Variants in FAM161A observed in about 807,000 individuals in gnomAD.
FAM161A encodes FAM161 centrosomal protein A, also known as protein FAM161A.
FAM161A carries 57 observed loss-of-function variants against 70.9 expected under a neutral mutation model. The ratio of observed to expected loss-of-function variants is 0.80; its 90% CI spans 0.65 to 1.00. FAM161A has a LOEUF of 1.00. FAM161A is among the 50% of genes least tolerant of loss of function. The pLI is 0.00. For synonymous variants in FAM161A, 299 were observed against 295.7 expected, an observed-to-expected ratio of 1.01 and a Z score of -0.12; for missense variants, 880 against 836.0, an observed-to-expected ratio of 1.05 and a Z score of -0.65.
At chr2:61,849,799 A>AAG (rs1245323337) in intron 1 of FAM161A, among the ~76,000 whole-genome samples, 1 of 151,648 alleles carries the variant, frequency 6.6e-6, no homozygotes, top group African/African-American at 2.4e-5. Flanking sequence ...AAAAAAAAAA[A>AAG]AGAGAATGAA....
the FAM161A span, among the ~76,000 whole-genome samples, chr2:61,801,496 CA>C: frequency 8.7e-3 from 1,109 of 128,090 alleles, 20 homozygotes; most frequent in African/African-American, 0.027. Flanking sequence ...GGCTCCGTCT[CA>C]AAAAAAAAAA....
chr2:61,837,662 T>A (rs12233143), intron 4 of FAM161A, among the ~76,000 whole-genome samples: 1 of 151,946 alleles, frequency 6.6e-6, no homozygotes, highest in Admixed American at 6.6e-5. Context: ...CCAGCTACTC[T>A]GTAAGCTGAG....
At chr2:61,849,988 G>A (rs1349203455) in intron 1 of FAM161A, among the ~76,000 whole-genome samples, 1 of 150,646 alleles carries the variant, frequency 6.6e-6, no homozygotes, top group Non-Finnish European at 1.5e-5. Flanking sequence ...AGGGAGGGAG[G>A]GAGGGCGGCG....
intron 6 of FAM161A, 38 bp from the exon 7 acceptor site, chr2:61,826,637 T>G: frequency 1.3e-6 from 2 of 1,577,484 alleles, no homozygotes; most frequent in Non-Finnish European, 1.7e-6. Context: ...AAAGGAAAAA[T>G]GAGTTGGTTT....
the FAM161A span, among the ~76,000 whole-genome samples, chr2:61,800,326 T>G: frequency 2.6e-5 from 4 of 152,206 alleles, no homozygotes. Flanking sequence ...TCTGCATGCA[T>G]GTAAACAGAG....
the FAM161A span, among the ~76,000 whole-genome samples, chr2:61,802,238 A>G: frequency 6.6e-6 from 1 of 152,138 alleles, no homozygotes; most frequent in Non-Finnish European, 1.5e-5. Context: ...CCTACCCAGG[A>G]TGTGCTCCCA....
intron 1 of FAM161A, among the ~76,000 whole-genome samples, 199 bp downstream of exon 1, chr2:61,853,660 T>C (rs1673574068): frequency 6.6e-6 from 1 of 152,104 alleles, no homozygotes; most frequent in African/African-American, 2.4e-5. Context: ...TGGTGAAAAT[T>C]AAAACACTTT....
At chr2:61,840,886 G>A (rs973801533) in intron 2 of FAM161A, among the ~76,000 whole-genome samples, 6 of 152,150 alleles carry the variant, frequency 3.9e-5, no homozygotes, top group Admixed American at 2.6e-4. Context: ...TCCTGACCTC[G>A]TGATCTGCCT....
chr2:61,839,670 T>C lies in FAM161A; in HGVS notation c.1334A>G (p.His445Arg), dbSNP rs918811732. 5.0e-6 allele frequency: 8 copies of C among 1,614,248 alleles called. No individual in the cohort carries two copies. The highest frequency in any genetic ancestry group is 4.5e-5 in the East Asian group (2 of 44,886). ...CACTGTTAAGAGTTTTGGAGACTTG[T>C]GTTCTGAGAGGTGTTTCTGGTATCT... Reference protein sequence around the residue: ...PERYQKHLSEHKSPKLLTVCK... With the variant: ...PERYQKHLSERKSPKLLTVCK... The change falls in exon 3 of 7, where the codon CAC becomes CGC. Residue 445 changes from histidine to arginine, a missense_variant. His to Arg is a conservative substitution (Grantham distance 29). Transcript: ENST00000404929.
At chr2:61,801,252 C>A in the FAM161A span, among the ~76,000 whole-genome samples, 1 of 151,534 alleles carries the variant, frequency 6.6e-6, no homozygotes, top group Non-Finnish European at 1.5e-5. Flanking sequence ...AATCCCAGCA[C>A]TTTGGGAGGC....
intron 1 of FAM161A, among the ~76,000 whole-genome samples, chr2:61,852,556 G>A (rs1653873523): frequency 6.6e-6 from 1 of 152,210 alleles, no homozygotes; most frequent in Non-Finnish European, 1.5e-5. Flanking sequence ...GGCAGGGAAT[G>A]GATCCTAATA....
Position 61,850,614 on chromosome 2 carries a change from G to A in FAM161A, c.183+3245C>T, listed in dbSNP as rs139382547. Among the ~76,000 whole-genome samples, 739 of 152,140 alleles carry A rather than the reference G, an allele frequency of 4.9e-3. 6 individuals carry two copies. The highest frequency in any genetic ancestry group is 0.017 in the Middle Eastern group (5 of 292). On this transcript the variant is annotated intron_variant, in intron 1 of 6. Coordinates refer to ENST00000404929, the MANE Select transcript of FAM161A (RefSeq NM_001201543.2). Reference sequence around the variant, plus strand: ...CAAAAAATATAAAAATTAGCTGGGCGTGGTGGCATGCACCTTTAGTTCCAG... The same window carrying A: ...CAAAAAATATAAAAATTAGCTGGGCATGGTGGCATGCACCTTTAGTTCCAG...
At chr2:61,800,314 C>T in the FAM161A span, among the ~76,000 whole-genome samples, 2 of 152,176 alleles carry the variant, frequency 1.3e-5, no homozygotes, top group East Asian at 3.8e-4. Flanking sequence ...GTCAGCATTG[C>T]GTCTGCATGC....
chr2:61,818,916 T>TAGCC, the FAM161A span, among the ~76,000 whole-genome samples: 1 of 152,206 alleles, frequency 6.6e-6, no homozygotes, highest in African/African-American at 2.4e-5. Flanking sequence ...AACTGATGGA[T>TAGCC]AGCCCTTTAA....
the FAM161A span, among the ~76,000 whole-genome samples, chr2:61,809,974 C>T: frequency 6.6e-6 from 1 of 152,172 alleles, no homozygotes; most frequent in Non-Finnish European, 1.5e-5. Context: ...TACCATCTAC[C>T]ATTGGAGGGC....
At chr2:61,837,060 G>A (rs925551663) in intron 4 of FAM161A, among the ~76,000 whole-genome samples, 2 of 152,036 alleles carry the variant, frequency 1.3e-5, no homozygotes, top group Non-Finnish European at 2.9e-5. Context: ...AGAGATGGGG[G>A]TCTCATTATG....
rs567974031 is a variant in FAM161A, at chr2:61,841,647, A to G, written c.422+475T>C. The stretch of plus-strand genomic sequence containing the variant: ...TCTGGCACAAAGGAGACATGCAAGC[A>G]TCGCTGACTGACTAGATGTGTAAGT... On this transcript the variant is annotated intron_variant, in intron 2 of 6. Coordinates refer to ENST00000404929, the MANE Select transcript of FAM161A (RefSeq NM_001201543.2). Among the ~76,000 whole-genome samples the G allele has an allele frequency of 7.9e-5, 12 of 152,320 alleles. No individual in the cohort carries two copies. The South Asian group carries it at 2.3e-3, about 29-fold the overall frequency.
the FAM161A span, among the ~76,000 whole-genome samples, chr2:61,815,005 T>A: frequency 6.6e-6 from 1 of 152,198 alleles, no homozygotes; most frequent in Non-Finnish European, 1.5e-5. Flanking sequence ...GAGTGAGTGA[T>A]CAGCTCCGTT....
Position 61,839,804 on chromosome 2 carries a change from A to G in FAM161A, c.1200T>C (p.Cys400=), listed in dbSNP as rs2105081390. The part of the protein sequence containing the change: ...EHLQNSSPLP[C]RSACGCRNPR... Reference sequence around the variant, plus strand: ...GGTTCCTGCATCCACAAGCTGACCTACAAGGCAGAGGAGATGAGTTCTGTA... The same window carrying G: ...GGTTCCTGCATCCACAAGCTGACCTGCAAGGCAGAGGAGATGAGTTCTGTA... Residue 400 remains cysteine (C), a synonymous_variant, in exon 3 of 7, where the codon TGT becomes TGC. Coordinates refer to ENST00000404929, the MANE Select transcript of FAM161A (RefSeq NM_001201543.2). The G allele has an allele frequency of 6.2e-7, 1 of 1,614,146 alleles. No individual in the cohort carries two copies. Among genetic ancestry groups the G allele is most frequent in the Middle Eastern group, 1.6e-4 (1 of 6,062 alleles).
Sources: gnomAD v4.1 joint callset for allele counts (sites outside exome capture counted in the v4.1 genomes callset) on GRCh38, gnomAD v4.1.1 for gene constraint, MANE v1.5 for transcripts, NCBI Gene and HGNC (gene_info 2026-07-23, HGNC 2026-07-21) for gene names.